Variants in DLG2 observed in about 807,000 individuals in gnomAD.
DLG2 encodes disks large homolog 2.
DLG2 carries 45 observed loss-of-function variants against 132.5 expected under a neutral mutation model. The observed-to-expected ratio is 0.34, with a 90% CI of 0.27 to 0.44. DLG2 has a LOEUF of 0.44. Ranked by LOEUF, DLG2 falls within the 20% of genes least tolerant of loss-of-function variation. DLG2 has a pLI of 1.00. For synonymous variants in DLG2, 424 were observed against 419.6 expected, an observed-to-expected ratio of 1.01 and a Z score of -0.13; for missense variants, 1,045 against 1,196.9, an observed-to-expected ratio of 0.87 and a Z score of 1.87.
intron 9 of DLG2, among the ~76,000 whole-genome samples, chr11:84,158,610 A>G (rs143543172): frequency 2.0e-5 from 3 of 152,356 alleles, no homozygotes; most frequent in South Asian, 4.1e-4. Context: ...AGCAACATCT[A>G]CCTCATAGGA....
chr11:84,745,578 A>C (rs898117963), intron 6 of DLG2, among the ~76,000 whole-genome samples: 18 of 152,176 alleles, frequency 1.2e-4, no homozygotes, highest in African/African-American at 4.3e-4. Flanking sequence ...CAATATGAGA[A>C]TGGCCTAATA....
intron 7 of DLG2, among the ~76,000 whole-genome samples, chr11:84,331,455 A>AT (rs1216403872): frequency 0.03 from 4,187 of 139,868 alleles, 71 homozygotes; most frequent in Non-Finnish European, 0.04. Context: ...AAAAAAAAAA[A>AT]AAAAAATAAA....
intron 18 of DLG2, among the ~76,000 whole-genome samples, chr11:83,677,999 T>C (rs1484250408): frequency 2.0e-5 from 3 of 152,220 alleles, no homozygotes; most frequent in African/African-American, 7.2e-5. Context: ...AGTGTTACAA[T>C]TGCAATTTAA....
intron 6 of DLG2, among the ~76,000 whole-genome samples, chr11:84,657,350 A>G (rs1247651552): frequency 6.6e-6 from 1 of 152,156 alleles, no homozygotes; most frequent in Non-Finnish European, 1.5e-5. Context: ...AAATGCTGTA[A>G]GGAGCCATAG....
chr11:84,380,744 A>G (rs2098746455), intron 7 of DLG2, among the ~76,000 whole-genome samples: 1 of 152,010 alleles, frequency 6.6e-6, no homozygotes, highest in South Asian at 2.1e-4. Context: ...AGTAGAAAAT[A>G]AATACAATAG....
intron 3 of DLG2, among the ~76,000 whole-genome samples, chr11:85,451,616 A>G (rs2092246428): frequency 6.6e-6 from 1 of 152,258 alleles, no homozygotes; most frequent in African/African-American, 2.4e-5. Context: ...AAATAAGGAT[A>G]GTAAAAATAC....
rs555978223 is a variant in DLG2 at position 85,499,314 on chromosome 11, A to G, written c.40+99343T>C. On this transcript the variant is annotated intron_variant, in intron 3 of 27. Transcript: ENST00000376104. Reference sequence around the variant, plus strand: ...AAACTACCATCAGAGAATACTATAAACACTTCTATGCAAATAAACTAGAAA... The same window carrying G: ...AAACTACCATCAGAGAATACTATAAGCACTTCTATGCAAATAAACTAGAAA... Among the ~76,000 whole-genome samples, 7 of 152,336 alleles carry G rather than the reference A, an allele frequency of 4.6e-5. No individual in the cohort carries two copies. The South Asian group carries it at 8.3e-4, about 18-fold the overall frequency.
intron 14 of DLG2, among the ~76,000 whole-genome samples, chr11:83,932,048 T>C (rs1565693169): frequency 6.6e-6 from 1 of 152,230 alleles, no homozygotes; most frequent in Non-Finnish European, 1.5e-5. Context: ...CTTTTGTTGA[T>C]TGTGAGAGCA....
At chr11:83,591,431 A>G (rs1312614615) in intron 19 of DLG2, among the ~76,000 whole-genome samples, 1 of 88,574 alleles carries the variant, frequency 1.1e-5, no homozygotes, top group Admixed American at 1.4e-4. Flanking sequence ...GCCTTTGACA[A>G]AATTCAACAA....
chr11:85,578,229 C>T (rs979679831), intron 3 of DLG2, among the ~76,000 whole-genome samples: 1 of 152,086 alleles, frequency 6.6e-6, no homozygotes, highest in African/African-American at 2.4e-5. Flanking sequence ...ATACTATATA[C>T]AAAAATTAAC....
chr11:84,088,614 C>T (rs1005683634), intron 10 of DLG2, among the ~76,000 whole-genome samples: 2 of 152,068 alleles, frequency 1.3e-5, no homozygotes, highest in Admixed American at 6.6e-5. Flanking sequence ...GGGGACTTGT[C>T]GATTGCCAGT....
At chr11:83,627,580 A>G (rs2062808219) in intron 19 of DLG2, among the ~76,000 whole-genome samples, 1 of 152,198 alleles carries the variant, frequency 6.6e-6, no homozygotes, top group Admixed American at 6.5e-5. Context: ...TCCATGGTGT[A>G]TATGTGCCAC....
At chr11:83,842,708 C>T (rs974746528) in intron 16 of DLG2, among the ~76,000 whole-genome samples, 2 of 149,640 alleles carry the variant, frequency 1.3e-5, no homozygotes, top group East Asian at 2.0e-4. Context: ...CCCAGGTACT[C>T]GGGAGGCTGA....
At chr11:84,687,634 A>T (rs1329558383) in intron 6 of DLG2, among the ~76,000 whole-genome samples, 1 of 152,190 alleles carries the variant, frequency 6.6e-6, no homozygotes, top group Non-Finnish European at 1.5e-5. Context: ...GCCTCCAGGT[A>T]TTCAAAATGT....
chr11:84,762,528 A>T (rs943904326), intron 6 of DLG2, among the ~76,000 whole-genome samples: 1 of 152,222 alleles, frequency 6.6e-6, no homozygotes, highest in African/African-American at 2.4e-5. Context: ...AAAACTATTC[A>T]TATCAGTTAA....
chr11:83,556,625 G>A (rs1348700103), intron 19 of DLG2, among the ~76,000 whole-genome samples: 1 of 152,146 alleles, frequency 6.6e-6, no homozygotes, highest in Non-Finnish European at 1.5e-5. Context: ...TCCTGTCTCA[G>A]CCTCCCAAAG....
chr11:83,562,007 G>A (rs2096619855), intron 19 of DLG2, among the ~76,000 whole-genome samples: 1 of 146,454 alleles, frequency 6.8e-6, no homozygotes, highest in Admixed American at 7.1e-5. Flanking sequence ...TCCTGCTTCA[G>A]CCTCCCGAGT....
chr11:84,139,351 T>G (rs973577165), intron 9 of DLG2, among the ~76,000 whole-genome samples: 1 of 151,988 alleles, frequency 6.6e-6, no homozygotes, highest in Non-Finnish European at 1.5e-5. Flanking sequence ...AGAATAATAA[T>G]CAGGAGCATT....
intron 3 of DLG2, among the ~76,000 whole-genome samples, chr11:85,434,396 G>T (rs1338815568): frequency 2.0e-5 from 3 of 146,382 alleles, no homozygotes; most frequent in African/African-American, 2.5e-5. Flanking sequence ...TGTTTTTTTT[G>T]AAAAAATTTT....
Sources: allele counts gnomAD v4.1 joint callset (sites outside exome capture counted in the v4.1 genomes callset), GRCh38; gene constraint gnomAD v4.1.1; transcripts MANE v1.5; gene names NCBI Gene and HGNC (gene_info 2026-07-23, HGNC 2026-07-21).